The following EDRF1 variants were observed in gnomAD, a reference collection of about 807,000 sequenced individuals.
The protein encoded by EDRF1 is erythroid differentiation regulatory factor 1, also known as erythroid differentiation-related factor 1.
EDRF1 carries 69 observed loss-of-function variants against 148.7 expected under a neutral mutation model. That is an observed-to-expected ratio of 0.46 (90% confidence interval 0.38 to 0.57). The LOEUF (loss-of-function observed/expected upper bound fraction) is 0.57. Ranked by LOEUF, EDRF1 falls within the 20% of genes least tolerant of loss-of-function variation. The probability of loss-of-function intolerance (pLI) is 0.00; values close to 1 mark genes in which losing one functional copy is unlikely to be tolerated. For missense variants in EDRF1, 1,118 were observed against 1,478.7 expected, an observed-to-expected ratio of 0.76 and a Z score of 4.00; for synonymous variants, 515 against 532.8, an observed-to-expected ratio of 0.97 and a Z score of 0.46.
intron 18 of EDRF1, 64 bp downstream of exon 18, chr10:125,743,340 TGA>T: frequency 1.4e-6 from 2 of 1,396,010 alleles, no homozygotes; most frequent in Non-Finnish European, 2.0e-6. Context: ...TAATTTTGTA[TGA>T]GTCAAGCAAA....
intron 18 of EDRF1, 109 bp from the exon 19 acceptor site, chr10:125,745,598 G>A (rs546422372): frequency 2.5e-4 from 287 of 1,145,790 alleles, no homozygotes; most frequent in Non-Finnish European, 3.6e-4. Context: ...TGACTGGCTC[G>A]CCACCACACT....
chr10:125,726,216 A>C (rs1235139908), intron 6 of EDRF1, among the ~76,000 whole-genome samples: 1 of 152,256 alleles, frequency 6.6e-6, no homozygotes, highest in Middle Eastern at 3.4e-3. Context: ...ATATCTGTCA[A>C]TATTTGATAG....
Position 125,742,115 on chromosome 10 carries a change from CCTT to C in EDRF1, c.2371+917_2371+919del, listed in dbSNP as rs1849054432. 2.0e-5 allele frequency: 16 copies of C among 809,558 alleles called. No homozygotes were observed. The South Asian group carries it at 2.1e-4, about 10-fold the overall frequency. The allele number at this position is 809,558 out of a possible 1,614,324, so 50.1% of individuals were successfully genotyped here. ...ACAGTTGGTGAAGGAGGTTAATTAA[CCTT>C]CTGAATGATTCCTTGGGGCTGAAAT... is the stretch of plus-strand genomic sequence containing the variant. On this transcript the variant is annotated intron_variant, in intron 17 of 24. Transcript: ENST00000356792.
intron 9 of EDRF1, among the ~76,000 whole-genome samples, chr10:125,731,363 G>T (rs554376861): frequency 2.6e-4 from 40 of 152,336 alleles, no homozygotes; most frequent in Non-Finnish European, 5.0e-4. Flanking sequence ...GAAAGACTTT[G>T]TGGAAGAAGG....
intron 6 of EDRF1, 38 bp downstream of exon 6, chr10:125,725,876 G>GAA (rs752365205): frequency 6.3e-7 from 1 of 1,597,470 alleles, no homozygotes; most frequent in African/African-American, 1.3e-5. Flanking sequence ...ACTCACATAG[G>GAA]AAAACAAAGC....
chr10:125,747,257 T>G (rs1384593163), intron 19 of EDRF1: 1 of 385,156 alleles, frequency 2.6e-6, no homozygotes, highest in Non-Finnish European at 4.7e-6. Flanking sequence ...AACAAGTGCA[T>G]CATCATGCTC....
chr10:125,733,843 G>A (rs1848595518), intron 11 of EDRF1, 100 bp downstream of exon 11: 2 of 1,153,172 alleles, frequency 1.7e-6, no homozygotes, highest in Non-Finnish European at 1.3e-6. Flanking sequence ...AATGCTTTTA[G>A]GTTTTCATAG....
chr10:125,743,176 A>G lies in EDRF1; in HGVS notation c.2490A>G (p.Pro830=). Residue 830 remains proline (P), a synonymous_variant, in exon 18 of 25, where the codon CCA becomes CCG. Transcript: ENST00000356792. ...TTAGTGACTTGAAAAGCCAAAATCC[A>G]GAACACTATGTACAAGTATTAAAGA... ...LQFSDLKSQN[P]EHYVQVLKRM... 3 of 1,613,964 alleles carry G rather than the reference A, an allele frequency of 1.9e-6. No homozygotes were observed. The highest frequency in any genetic ancestry group is 2.2e-5 in the South Asian group (2 of 91,084).
intron 19 of EDRF1, 36 bp from the exon 20 acceptor site, chr10:125,747,500 C>A (rs370660000): frequency 6.2e-7 from 1 of 1,611,968 alleles, no homozygotes; most frequent in African/African-American, 1.3e-5. Flanking sequence ...TATGTTTAAG[C>A]TGAGTCAGAA....
At chr10:125,753,188 G>A (rs1849728577) in intron 23 of EDRF1, among the ~76,000 whole-genome samples, 1 of 152,176 alleles carries the variant, frequency 6.6e-6, no homozygotes, top group Admixed American at 6.5e-5. Flanking sequence ...TTTTGTTGCT[G>A]TTGGTGGGAA....
chr10:125,734,432 A>G (rs1054520151), intron 12 of EDRF1, among the ~76,000 whole-genome samples: 1 of 152,172 alleles, frequency 6.6e-6, no homozygotes, highest in South Asian at 2.1e-4. Context: ...ATGCAATATT[A>G]CATATATTGG....
chr10:125,746,874 C>T (rs1849383716), intron 19 of EDRF1: 1 of 152,318 alleles, frequency 6.6e-6, no homozygotes, highest in South Asian at 2.1e-4. Context: ...CAAATGGTCA[C>T]ACCCACTGTT....
chr10:125,763,418 C>T lies in EDRF1; in HGVS notation c.3663C>T (p.His1221=). The T allele has an allele frequency of 6.2e-7, 1 of 1,611,664 alleles. No homozygotes were observed. The highest frequency in any genetic ancestry group is 1.1e-5 in the South Asian group (1 of 91,088). Residue 1221 remains histidine (H), a synonymous_variant, in exon 25 of 25, where the codon CAC becomes CAT. Coordinates refer to ENST00000356792, the MANE Select transcript of EDRF1 (RefSeq NM_001202438.2). The surrounding 1 kb of genome is among the most constrained non-coding windows in gnomAD (Gnocchi z 4.3). ...TLLERINVIV[H]LLGQLAAGSA... is the part of the protein sequence containing the mutation. Reference sequence around the variant, plus strand: ...TGGAAAGAATCAACGTTATCGTCCACCTGCTGGGCCAGCTTGCCGCCGGCA... The same window carrying T: ...TGGAAAGAATCAACGTTATCGTCCATCTGCTGGGCCAGCTTGCCGCCGGCA...
At chr10:125,731,772 A>G in intron 9 of EDRF1, 1 of 357,852 alleles carries the variant, frequency 2.8e-6, no homozygotes, top group South Asian at 2.0e-5. Flanking sequence ...AAGAATCAAC[A>G]ATGGTAAGAA....
chr10:125,758,997 C>T (rs1024006990), intron 24 of EDRF1, among the ~76,000 whole-genome samples: 7 of 152,118 alleles, frequency 4.6e-5, no homozygotes, highest in South Asian at 2.1e-4. Flanking sequence ...TCTTCCCCCA[C>T]CCCCATTGAG....
chr10:125,733,618 T>C lies in EDRF1; in HGVS notation c.1277-17T>C. ...GGTAACTGCTGTGAAATGAGTCTTCTTTGTTTTTCTTTTCAGCAAGTGGCA... is the reference window on the plus strand; with the variant it reads ...GGTAACTGCTGTGAAATGAGTCTTCCTTGTTTTTCTTTTCAGCAAGTGGCA... On this transcript the variant is annotated splice_polypyrimidine_tract_variant and intron_variant, in intron 10 of 24. Transcript: ENST00000356792. The C allele has an allele frequency of 1.2e-6, 2 of 1,612,752 alleles. No homozygotes were observed. The highest frequency in any genetic ancestry group is 1.7e-6 in the Non-Finnish European group (2 of 1,178,866).
chr10:125,733,276 T>A (rs1037353769), intron 9 of EDRF1, 128 bp from the exon 10 acceptor site: 2 of 714,966 alleles, frequency 2.8e-6, no homozygotes, highest in East Asian at 5.8e-5. Flanking sequence ...AAACCACTGG[T>A]TTAAACACTT....
chr10:125,744,536 G>C (rs554835642), intron 18 of EDRF1, among the ~76,000 whole-genome samples: 3 of 152,134 alleles, frequency 2.0e-5, no homozygotes, highest in Non-Finnish European at 4.4e-5. Context: ...TACAAATGTT[G>C]CCCTCAAAGA....
At position 125,729,487 on chromosome 10, in the gene EDRF1, A is replaced by C. The variant is rs749270894; in HGVS notation, c.1016+8A>C. 8 of 1,614,122 alleles carry C rather than the reference A, an allele frequency of 5.0e-6. No individual in the cohort carries two copies. Among genetic ancestry groups the C allele is most frequent in the Non-Finnish European group, 6.8e-6 (8 of 1,179,998 alleles). On this transcript the variant is annotated splice_region_variant and intron_variant, in intron 8 of 24. Transcript: ENST00000356792. ...AGTCAGCTTACGTCTCAGGTGAACT[A>C]ACATCATACCCCTCCTCAAGCTTAT... is the stretch of plus-strand genomic sequence containing the variant.
Sources: gnomAD v4.1 joint callset for allele counts (sites outside exome capture counted in the v4.1 genomes callset) on GRCh38, gnomAD v4.1.1 for gene constraint, Gnocchi (gnomAD v3.1) non-coding constraint, MANE v1.5 for transcripts, NCBI Gene and HGNC (gene_info 2026-07-23, HGNC 2026-07-21) for gene names.